The following SRD5A2 variants were observed in gnomAD, a reference collection of about 807,000 sequenced individuals.
SRD5A2 encodes steroid 5 alpha-reductase 2.
SRD5A2 carries 30 observed loss-of-function variants against 27.4 expected under a neutral mutation model. The ratio of observed to expected loss-of-function variants is 1.10; its 90% CI spans 0.82 to 1.49. SRD5A2 has a LOEUF of 1.49. SRD5A2 is among the 40% of genes most tolerant of loss of function. The pLI, the probability that SRD5A2 is intolerant of heterozygous loss-of-function variation, is 0.00. For synonymous variants in SRD5A2, 141 were observed against 133.6 expected, an observed-to-expected ratio of 1.06 and a Z score of -0.38; for missense variants, 348 against 323.4, an observed-to-expected ratio of 1.08 and a Z score of -0.58.
chr2:31,641,483 A>G, the SRD5A2 span, among the ~76,000 whole-genome samples: 1 of 152,210 alleles, frequency 6.6e-6, no homozygotes, highest in African/African-American at 2.4e-5. Context: ...AGAAATAGTA[A>G]AGGAAGTTCT....
chr2:31,626,188 G>T, the SRD5A2 span, among the ~76,000 whole-genome samples: 2 of 152,166 alleles, frequency 1.3e-5, no homozygotes, highest in Admixed American at 6.5e-5. Flanking sequence ...GAATGCTTGT[G>T]ATTTTTCCAC....
chr2:31,638,012 A>T, the SRD5A2 span, among the ~76,000 whole-genome samples: 1 of 152,122 alleles, frequency 6.6e-6, no homozygotes, highest in East Asian at 1.9e-4. Context: ...ACTGAGATGC[A>T]TCATTAGGTT....
the SRD5A2 span, among the ~76,000 whole-genome samples, chr2:31,644,185 A>T: frequency 6.6e-6 from 1 of 152,342 alleles, no homozygotes; most frequent in Non-Finnish European, 1.5e-5. Context: ...ATATGTAATA[A>T]TGAGAAAACA....
the SRD5A2 span, among the ~76,000 whole-genome samples, chr2:31,626,337 G>A: frequency 6.6e-6 from 1 of 151,918 alleles, no homozygotes; most frequent in Non-Finnish European, 1.5e-5. Flanking sequence ...TTCCTCATTG[G>A]ATACCCTTTA....
chr2:31,587,220 G>A, the SRD5A2 span, among the ~76,000 whole-genome samples: 535 of 152,254 alleles, frequency 3.5e-3, 4 homozygotes, highest in African/African-American at 0.012. Context: ...TCTCATCACC[G>A]TTAGAATGCT....
upstream of SRD5A2, among the ~76,000 whole-genome samples, chr2:31,585,896 A>G (rs567330137): frequency 1.3e-5 from 2 of 152,136 alleles, no homozygotes; most frequent in South Asian, 2.1e-4. Flanking sequence ...TCTGCCTTAA[A>G]TGAATACCTG....
chr2:31,564,913 A>G (rs1439042000), intron 1 of SRD5A2, among the ~76,000 whole-genome samples: 1 of 152,040 alleles, frequency 6.6e-6, no homozygotes, highest in Admixed American at 6.5e-5. Flanking sequence ...AATGAAAAGC[A>G]TCAAATATGG....
At chr2:31,565,404 G>A (rs1666710097) in intron 1 of SRD5A2, among the ~76,000 whole-genome samples, 2 of 151,732 alleles carry the variant, frequency 1.3e-5, no homozygotes. Flanking sequence ...TTGTCAGAAT[G>A]GCAGGGGCAG....
At chr2:31,651,030 C>A in the SRD5A2 span, among the ~76,000 whole-genome samples, 1 of 152,212 alleles carries the variant, frequency 6.6e-6, no homozygotes, top group African/African-American at 2.4e-5. Context: ...GCAGGCCAAT[C>A]ACCTGCAACA....
intron 4 of SRD5A2, 49 bp from the exon 5 acceptor site, chr2:31,526,311 A>G (rs2148060933): frequency 8.0e-7 from 1 of 1,243,396 alleles, no homozygotes; most frequent in Non-Finnish European, 1.2e-6. Flanking sequence ...GCAGTGGCTG[A>G]CAGCTGAGGT....
chr2:31,567,328 G>A (rs1379208014), intron 1 of SRD5A2, among the ~76,000 whole-genome samples: 1 of 152,028 alleles, frequency 6.6e-6, no homozygotes, highest in East Asian at 1.9e-4. Flanking sequence ...CAGTGACACA[G>A]GGCCACATAT....
chr2:31,599,192 G>T, the SRD5A2 span, among the ~76,000 whole-genome samples: 1 of 151,876 alleles, frequency 6.6e-6, no homozygotes, highest in East Asian at 1.9e-4. Flanking sequence ...AAGTGAGAGA[G>T]GTCCCAGAAC....
the SRD5A2 span, among the ~76,000 whole-genome samples, chr2:31,650,977 C>A: frequency 6.6e-6 from 1 of 152,162 alleles, no homozygotes; most frequent in Non-Finnish European, 1.5e-5. Flanking sequence ...TCAAGGGAAG[C>A]AAACAGACTG....
At chr2:31,603,164 C>A in the SRD5A2 span, among the ~76,000 whole-genome samples, 7 of 151,998 alleles carry the variant, frequency 4.6e-5, no homozygotes, top group South Asian at 1.5e-3. Context: ...TTCAATCTAT[C>A]CATCTGACAA....
At chr2:31,612,622 G>A in the SRD5A2 span, among the ~76,000 whole-genome samples, 2 of 152,132 alleles carry the variant, frequency 1.3e-5, no homozygotes, top group Non-Finnish European at 2.9e-5. Context: ...AATGCAATTT[G>A]TATTGGAATT....
chr2:31,575,528 T>C (rs1478928353), intron 1 of SRD5A2, among the ~76,000 whole-genome samples: 1 of 152,204 alleles, frequency 6.6e-6, no homozygotes, highest in Admixed American at 6.5e-5. Flanking sequence ...ACAAGGCTTC[T>C]TGGAGGAAAG....
chr2:31,658,347 G>T, the SRD5A2 span, among the ~76,000 whole-genome samples: 1 of 151,904 alleles, frequency 6.6e-6, no homozygotes, highest in Non-Finnish European at 1.5e-5. Flanking sequence ...CAACCCCAAA[G>T]CTGGCAGAAG....
At chr2:31,578,302 C>A (rs570641475) in intron 1 of SRD5A2, among the ~76,000 whole-genome samples, 145 of 152,118 alleles carry the variant, frequency 9.5e-4, no homozygotes, top group African/African-American at 3.2e-3. Context: ...AGAATGAGGT[C>A]GCATTTATCC....
chr2:31,592,780 A>G, the SRD5A2 span, among the ~76,000 whole-genome samples: 3 of 152,218 alleles, frequency 2.0e-5, no homozygotes, highest in South Asian at 2.1e-4. Flanking sequence ...ACAAGATTCC[A>G]TAACACCCCC....
Sources: gnomAD v4.1 joint callset for allele counts (sites outside exome capture counted in the v4.1 genomes callset) on GRCh38, gnomAD v4.1.1 for gene constraint, MANE v1.5 for transcripts, NCBI Gene and HGNC (gene_info 2026-07-23, HGNC 2026-07-21) for gene names.